The following PCDH15 variants were observed in gnomAD, a reference collection of about 807,000 sequenced individuals.
PCDH15 encodes protocadherin-15.
A neutral mutation model predicts 178.5 loss-of-function variants in PCDH15; 129 were observed. That is an observed-to-expected ratio of 0.72 (90% CI 0.63 to 0.84). PCDH15 has a LOEUF of 0.84. Ranked by LOEUF, PCDH15 falls within the 40% of genes least tolerant of loss-of-function variation. PCDH15 has a pLI of 0.00. For synonymous variants in PCDH15, 800 were observed against 732.0 expected, an observed-to-expected ratio of 1.09 and a Z score of -1.50; for missense variants, 2,230 against 2,099.9, an observed-to-expected ratio of 1.06 and a Z score of -1.21.
intron 2 of PCDH15, among the ~76,000 whole-genome samples, chr10:54,995,461 A>T (rs1416725816): frequency 6.6e-6 from 1 of 151,956 alleles, no homozygotes; most frequent in Non-Finnish European, 1.5e-5. Flanking sequence ...TGAAGATTTT[A>T]AAAATTTTGG....
chr10:55,080,281 G>C (rs1345890698), intron 2 of PCDH15, among the ~76,000 whole-genome samples: 1 of 152,156 alleles, frequency 6.6e-6, no homozygotes, highest in Non-Finnish European at 1.5e-5. Context: ...CCTCCTGTCA[G>C]ATCAGCAGTG....
intron 9 of PCDH15, among the ~76,000 whole-genome samples, chr10:54,216,530 T>A (rs377186962): frequency 1.2e-4 from 19 of 152,228 alleles, no homozygotes; most frequent in African/African-American, 4.3e-4. Context: ...CTCTAGATCA[T>A]AAGCAAAGAT....
intron 3 of PCDH15, among the ~76,000 whole-genome samples, chr10:54,382,281 T>G (rs12764651): frequency 4.1e-4 from 63 of 152,184 alleles, no homozygotes; most frequent in African/African-American, 1.5e-3. Context: ...AAAATAACTT[T>G]GCAGCTTCTT....
At chr10:54,981,756 T>C (rs1441265163) in intron 2 of PCDH15, among the ~76,000 whole-genome samples, 1 of 152,028 alleles carries the variant, frequency 6.6e-6, no homozygotes, top group African/African-American at 2.4e-5. Flanking sequence ...TTACTTATTT[T>C]TCCTGGAACC....
intron 3 of PCDH15, among the ~76,000 whole-genome samples, chr10:54,423,438 G>A (rs755767972): frequency 6.6e-6 from 1 of 151,868 alleles, no homozygotes; most frequent in Non-Finnish European, 1.5e-5. Flanking sequence ...TCTAAGAAAA[G>A]TCTTAGAGAA....
At chr10:54,372,683 T>C (rs1947847393) in intron 4 of PCDH15, among the ~76,000 whole-genome samples, 1 of 151,814 alleles carries the variant, frequency 6.6e-6, no homozygotes, top group Non-Finnish European at 1.5e-5. Context: ...TAATTTGACC[T>C]TTTCTAATTT....
chr10:53,890,316 A>ACT (rs2081467804), intron 26 of PCDH15, among the ~76,000 whole-genome samples: 1 of 152,072 alleles, frequency 6.6e-6, no homozygotes, highest in African/African-American at 2.4e-5. Flanking sequence ...AGTCCCAGCT[A>ACT]CTCGGGAGGC....
chr10:54,264,807 A>G (rs543013417), intron 8 of PCDH15, among the ~76,000 whole-genome samples: 2 of 152,304 alleles, frequency 1.3e-5, no homozygotes, highest in South Asian at 4.1e-4. Flanking sequence ...CTGAGAGAAA[A>G]GAAAAAATAA....
At chr10:53,951,646 C>T (rs1340846495) in intron 23 of PCDH15, among the ~76,000 whole-genome samples, 8 of 152,158 alleles carry the variant, frequency 5.3e-5, no homozygotes, top group Non-Finnish European at 8.8e-5. Context: ...CGTTTGTTTA[C>T]AGTTGTAGAA....
chr10:53,862,015 G>A (rs2079136863), intron 27 of PCDH15, among the ~76,000 whole-genome samples: 1 of 151,846 alleles, frequency 6.6e-6, no homozygotes, highest in Non-Finnish European at 1.5e-5. Context: ...CTGAAACCAT[G>A]TTCAGTTATA....
At chr10:55,425,680 AC>A (rs1565126190) in intron 2 of PCDH15, among the ~76,000 whole-genome samples, 1 of 152,100 alleles carries the variant, frequency 6.6e-6, no homozygotes, top group African/African-American at 2.4e-5. Context: ...ACAAAAAAAA[AC>A]AGTGTTACTC....
intron 3 of PCDH15, among the ~76,000 whole-genome samples, chr10:54,382,123 G>A (rs749706528): frequency 6.6e-6 from 1 of 152,036 alleles, no homozygotes; most frequent in African/African-American, 2.4e-5. Flanking sequence ...TTCTTGGCTG[G>A]TCAATCTTTT....
chr10:53,837,184 G>C (rs2077357447), intron 29 of PCDH15, among the ~76,000 whole-genome samples: 1 of 151,754 alleles, frequency 6.6e-6, no homozygotes, highest in African/African-American at 2.4e-5. Context: ...AAGGAATAAA[G>C]AGAAAATGGG....
intron 3 of PCDH15, among the ~76,000 whole-genome samples, chr10:54,897,052 T>C (rs1418745256): frequency 6.6e-6 from 1 of 152,208 alleles, no homozygotes; most frequent in Admixed American, 6.6e-5. Flanking sequence ...TTTCCCATGG[T>C]CTTGCTCCTG....
chr10:55,152,885 C>T (rs1165566532), intron 2 of PCDH15, among the ~76,000 whole-genome samples: 1 of 151,720 alleles, frequency 6.6e-6, no homozygotes, highest in East Asian at 1.9e-4. Flanking sequence ...CACATACACA[C>T]ACACAATAAT....
chr10:54,044,045 C>A (rs376892978), intron 18 of PCDH15, among the ~76,000 whole-genome samples: 1 of 152,030 alleles, frequency 6.6e-6, no homozygotes, highest in Non-Finnish European at 1.5e-5. Flanking sequence ...AAGGATTATT[C>A]CCAAAAAGAA....
At chr10:53,957,247 CTG>C (rs752912228) in intron 23 of PCDH15, among the ~76,000 whole-genome samples, 4 of 152,080 alleles carry the variant, frequency 2.6e-5, no homozygotes, top group Non-Finnish European at 4.4e-5. Context: ...TAAGTTAAAA[CTG>C]TGAGCGTTTT....
chr10:55,484,766 C>T (rs1173024500), intron 2 of PCDH15, among the ~76,000 whole-genome samples: 1 of 151,610 alleles, frequency 6.6e-6, no homozygotes, highest in Non-Finnish European at 1.5e-5. Context: ...CCAAAGGCAC[C>T]AAGAACACAC....
At chr10:54,950,676 A>T (rs930983605) in intron 2 of PCDH15, among the ~76,000 whole-genome samples, 2 of 151,882 alleles carry the variant, frequency 1.3e-5, no homozygotes, top group African/African-American at 4.8e-5. Flanking sequence ...ACCCTTTATA[A>T]AACAATTAGA....
Sources: gnomAD v4.1 joint callset for allele counts (sites outside exome capture counted in the v4.1 genomes callset) on GRCh38, gnomAD v4.1.1 for gene constraint, MANE v1.5 for transcripts, NCBI Gene and HGNC (gene_info 2026-07-23, HGNC 2026-07-21) for gene names.